The following GRM5 variants were observed in gnomAD, a reference collection of about 807,000 sequenced individuals.
The protein encoded by GRM5 is metabotropic glutamate receptor 5.
In GRM5, 19 loss-of-function variants were observed where a neutral mutation model predicts 83.1. The ratio of observed to expected loss-of-function variants is 0.23; its 90% confidence interval spans 0.16 to 0.34. The LOEUF (loss-of-function observed/expected upper bound fraction) is 0.34. GRM5 is among the 10% of genes least tolerant of loss of function. GRM5 has a pLI of 1.00. For synonymous variants in GRM5, 675 were observed against 633.6 expected (o/e 1.07, Z -0.98); for missense variants, 1,160 against 1,588.3 (o/e 0.73, Z 4.58).
At chr11:88,518,774 G>A (rs1198090939) in intron 9 of GRM5, among the ~76,000 whole-genome samples, 1 of 151,504 alleles carries the variant, frequency 6.6e-6, no homozygotes, top group African/African-American at 2.4e-5. Flanking sequence ...ATCAGAGCGA[G>A]TTTTATTTCT....
At chr11:89,040,767 G>A (rs1053305212) in intron 2 of GRM5, among the ~76,000 whole-genome samples, 1 of 151,914 alleles carries the variant, frequency 6.6e-6, no homozygotes, top group Non-Finnish European at 1.5e-5. Context: ...AGGAAGGTAA[G>A]AAGTTATAAA....
chr11:88,672,996 A>G (rs979144808), intron 3 of GRM5, among the ~76,000 whole-genome samples: 4 of 151,986 alleles, frequency 2.6e-5, no homozygotes, highest in African/African-American at 9.7e-5. Flanking sequence ...CAGCACTGCA[A>G]ATATCATGAA....
intron 8 of GRM5, among the ~76,000 whole-genome samples, chr11:88,538,072 T>A (rs1018255019): frequency 6.6e-6 from 1 of 151,350 alleles, no homozygotes; most frequent in Non-Finnish European, 1.5e-5. Flanking sequence ...GCACAAAGAT[T>A]TTTTCCTTCA....
At chr11:89,022,046 T>C (rs779960248) in intron 2 of GRM5, among the ~76,000 whole-genome samples, 1 of 152,170 alleles carries the variant, frequency 6.6e-6, no homozygotes, top group African/African-American at 2.4e-5. Context: ...GATCATATCC[T>C]GGGAGGGGCT....
chr11:88,971,707 A>G (rs1011400329), intron 2 of GRM5, among the ~76,000 whole-genome samples: 15 of 152,064 alleles, frequency 9.9e-5, no homozygotes, highest in Non-Finnish European at 1.5e-4. Context: ...GGTTGATTCC[A>G]TATCTTTTTC....
chr11:88,997,431 CAGAA>C (rs1338856321), intron 2 of GRM5, among the ~76,000 whole-genome samples: 2 of 146,544 alleles, frequency 1.4e-5, no homozygotes, highest in Non-Finnish European at 3.0e-5. Flanking sequence ...GCAAAGCAAA[CAGAA>C]AGAAAATAAT....
chr11:88,805,349 G>A (rs980291885), intron 3 of GRM5, among the ~76,000 whole-genome samples: 3 of 151,906 alleles, frequency 2.0e-5, no homozygotes, highest in African/African-American at 7.3e-5. Context: ...GCGCCACCAC[G>A]CCCGGCTAAT....
intron 3 of GRM5, among the ~76,000 whole-genome samples, chr11:88,683,810 G>A (rs1490106738): frequency 1.3e-5 from 2 of 152,154 alleles, no homozygotes; most frequent in African/African-American, 4.8e-5. Flanking sequence ...GAGATAAGAA[G>A]GGTGTTTACT....
chr11:88,891,882 CAA>C (rs1369644219), intron 2 of GRM5, among the ~76,000 whole-genome samples: 2 of 151,930 alleles, frequency 1.3e-5, no homozygotes, highest in African/African-American at 4.8e-5. Context: ...TCAAGTGAAA[CAA>C]GAGTTGTCTT....
At chr11:88,684,235 G>A (rs1940565279) in intron 3 of GRM5, among the ~76,000 whole-genome samples, 1 of 152,146 alleles carries the variant, frequency 6.6e-6, no homozygotes, top group Admixed American at 6.6e-5. Context: ...CATTTGATTT[G>A]TAAATCATTT....
chr11:88,575,208 A>C (rs1045269548), intron 7 of GRM5, among the ~76,000 whole-genome samples: 2 of 152,138 alleles, frequency 1.3e-5, no homozygotes, highest in African/African-American at 4.8e-5. Flanking sequence ...TCTTTATGTC[A>C]GTATCAAAAG....
intron 3 of GRM5, among the ~76,000 whole-genome samples, chr11:88,722,854 T>TTGA (rs1372740862): frequency 6.6e-6 from 1 of 151,822 alleles, no homozygotes; most frequent in Admixed American, 6.6e-5. Flanking sequence ...TGAATCAATA[T>TTGA]TGATACATTA....
intron 9 of GRM5, among the ~76,000 whole-genome samples, chr11:88,522,265 CCTTT>C (rs1941714727): frequency 6.6e-6 from 1 of 152,164 alleles, no homozygotes; most frequent in South Asian, 2.1e-4. Context: ...ATAGAGTTAA[CCTTT>C]CTTCAGCCCT....
intron 7 of GRM5, among the ~76,000 whole-genome samples, chr11:88,573,305 G>C (rs1316841609): frequency 6.6e-6 from 1 of 152,042 alleles, no homozygotes; most frequent in Non-Finnish European, 1.5e-5. Flanking sequence ...CTGATTTTCT[G>C]GACCCCTAAA....
At chr11:88,876,444 G>A (rs1944854834) in intron 2 of GRM5, among the ~76,000 whole-genome samples, 1 of 152,058 alleles carries the variant, frequency 6.6e-6, no homozygotes, top group South Asian at 2.1e-4. Context: ...GGCTATATCA[G>A]ATTCTTATAA....
intron 3 of GRM5, among the ~76,000 whole-genome samples, chr11:88,773,184 ATT>A (rs1942776786): frequency 1.3e-5 from 2 of 152,064 alleles, no homozygotes; most frequent in African/African-American, 2.4e-5. Flanking sequence ...TTTGATTTGC[ATT>A]TCTCTGATGG....
At chr11:88,991,179 A>C (rs1008356235) in intron 2 of GRM5, among the ~76,000 whole-genome samples, 1 of 152,172 alleles carries the variant, frequency 6.6e-6, no homozygotes, top group Non-Finnish European at 1.5e-5. Context: ...AGGATACAAA[A>C]TCAATGTACA....
chr11:88,792,327 T>C (rs970084611), intron 3 of GRM5, among the ~76,000 whole-genome samples: 7 of 152,088 alleles, frequency 4.6e-5, no homozygotes, highest in African/African-American at 1.7e-4. Context: ...TTAGGACATT[T>C]ATTCTATTGT....
intron 3 of GRM5, among the ~76,000 whole-genome samples, chr11:88,798,152 C>A (rs1027907420): frequency 1.3e-5 from 2 of 152,142 alleles, no homozygotes; most frequent in African/African-American, 4.8e-5. Flanking sequence ...AATTATCTTT[C>A]TGAGACTACA....
Sources: gnomAD v4.1 joint callset for allele counts (sites outside exome capture counted in the v4.1 genomes callset) on GRCh38, gnomAD v4.1.1 for gene constraint, MANE v1.5 for transcripts, NCBI Gene and HGNC (gene_info 2026-07-23, HGNC 2026-07-21) for gene names.